The following ZNF638 variants were observed in gnomAD, a reference collection of about 807,000 sequenced individuals.
ZNF638 encodes the protein CTCL tumor antigen se33-1.
In ZNF638, 46 loss-of-function variants were observed where a neutral mutation model predicts 195.6. The ratio of observed to expected loss-of-function variants is 0.24; its 90% CI spans 0.19 to 0.30. The LOEUF (loss-of-function observed/expected upper bound fraction) is 0.30, where lower values mean the gene tolerates loss of function less well. Ranked by LOEUF, ZNF638 falls within the 10% of genes least tolerant of loss-of-function variation. The pLI, the probability that ZNF638 is intolerant of heterozygous loss-of-function variation, is 1.00. For synonymous variants in ZNF638, 845 were observed against 772.0 expected (o/e 1.09, Z -1.57); for missense variants, 2,440 against 2,325.3 (o/e 1.05, Z -1.01).
At chr2:71,343,529 A>G (rs993098912) in intron 1 of ZNF638, among the ~76,000 whole-genome samples, 2 of 152,312 alleles carry the variant, frequency 1.3e-5, no homozygotes. Context: ...GTTTAGCAAA[A>G]TTGAGATGTA....
chr2:71,431,435 T>C lies in ZNF638; in HGVS notation c.5752+7T>C. 1 of 1,611,634 alleles carries C rather than the reference T, an allele frequency of 6.2e-7. No individual in the cohort carries two copies. Among genetic ancestry groups the C allele is most frequent in the South Asian group, 1.1e-5 (1 of 90,912 alleles). On this transcript the variant is annotated splice_region_variant and intron_variant, in intron 26 of 27. Transcript: ENST00000264447. ...GCGTCTGATGTCCCTGAGGGTAAAG[T>C]TAAAATGACATTTTTTTCTTACCCA...
intron 6 of ZNF638, among the ~76,000 whole-genome samples, chr2:71,367,946 ATAT>A (rs984942659): frequency 3.3e-5 from 5 of 152,122 alleles, no homozygotes; most frequent in Admixed American, 2.0e-4. Flanking sequence ...ATTTTTAAAA[ATAT>A]TATACCTGTC....
Position 71,400,128 on chromosome 2 carries a change from G to A in ZNF638, c.2604G>A (p.Lys868=). The stretch of plus-strand genomic sequence containing the variant: ...TTCATGCAGAAAACTCTGAAATAAA[G>A]ACCAGTATTGAAGTCAAAGCCACTG... ...PVTIPENSEI[K]TSIEVKATEN... is the part of the protein sequence containing the mutation. Residue 868 remains lysine, a synonymous_variant, in exon 14 of 28, where the codon AAG becomes AAA. Transcript: ENST00000264447. The A allele has an allele frequency of 6.2e-7, 1 of 1,607,102 alleles. No homozygotes were observed. Among genetic ancestry groups the A allele is most frequent in the Non-Finnish European group, 8.5e-7 (1 of 1,177,428 alleles).
intron 2 of ZNF638, among the ~76,000 whole-genome samples, chr2:71,354,935 G>A (rs2078999494): frequency 6.6e-6 from 1 of 151,926 alleles, no homozygotes; most frequent in East Asian, 1.9e-4. Context: ...AATGGTACTG[G>A]TCTATCAGGT....
chr2:71,417,643 C>G (rs982885220), intron 20 of ZNF638, among the ~76,000 whole-genome samples: 8 of 150,912 alleles, frequency 5.3e-5, no homozygotes, highest in Non-Finnish European at 1.2e-4. Context: ...TGTAGAGTTC[C>G]TCTGATACCA....
intron 25 of ZNF638, among the ~76,000 whole-genome samples, chr2:71,430,401 TTGA>T (rs1237770005): frequency 6.6e-6 from 1 of 152,142 alleles, no homozygotes; most frequent in African/African-American, 2.4e-5. Context: ...ATTGTAGGAC[TTGA>T]TGATCAGTAA....
chr2:71,336,963 A>C (rs1361532711), intron 1 of ZNF638, among the ~76,000 whole-genome samples: 1 of 152,210 alleles, frequency 6.6e-6, no homozygotes, highest in African/African-American at 2.4e-5. Flanking sequence ...TCTTCAGATC[A>C]GTGGAAATTT....
rs2080017789 is a variant in ZNF638, at chr2:71,402,075, A to G, written c.2817A>G (p.Ser939=). Residue 939 remains serine (S), a synonymous_variant, in exon 16 of 28, where the codon TCA becomes TCG. Transcript: ENST00000264447. The part of the protein sequence containing the change: ...FGGLKDILIL[S]SHKKAYIEIN... ...GTTTAAAGGATATCTTGATTTTATCATCTCATAAAAAGGTAAGAGTTGATT... is the reference window on the plus strand; with the variant it reads ...GTTTAAAGGATATCTTGATTTTATCGTCTCATAAAAAGGTAAGAGTTGATT... 3.1e-6 allele frequency: 5 copies of G among 1,605,624 alleles called. No individual in the cohort carries two copies. Among genetic ancestry groups the G allele is most frequent in the Non-Finnish European group, 4.3e-6 (5 of 1,175,982 alleles).
At chr2:71,395,198 A>G (rs1037971743) in intron 10 of ZNF638, 1 of 716,974 alleles carries the variant, frequency 1.4e-6, no homozygotes, top group African/African-American at 1.7e-5. Context: ...TTGGAAAAAA[A>G]TATTACTAAT....
intron 2 of ZNF638, among the ~76,000 whole-genome samples, chr2:71,350,580 A>G (rs1261233532): frequency 6.6e-6 from 1 of 152,218 alleles, no homozygotes; most frequent in Middle Eastern, 3.2e-3. Flanking sequence ...CTTACAAGAC[A>G]ATGTCACATG....
intron 12 of ZNF638, among the ~76,000 whole-genome samples, 182 bp downstream of exon 12, chr2:71,398,954 T>A (rs1438288610): frequency 1.3e-5 from 2 of 152,214 alleles, no homozygotes; most frequent in Non-Finnish European, 1.5e-5. Context: ...TTTGTGCATG[T>A]AAACAATCAC....
rs777898334 is a variant in ZNF638, at chr2:71,424,657, C to T, written c.4532C>T (p.Ala1511Val). Residue 1511 changes from alanine to valine, a missense_variant, in exon 23 of 28, where the codon GCT (alanine) becomes GTT (valine). This residue lies in a region of ZNF638 where 1,883 missense variants were observed against 1,739.1 expected (regional missense o/e 1.08). Transcript: ENST00000264447. Reference protein sequence around the residue: ...KRDDSNNKTLAEQNTKNPKST... With the variant: ...KRDDSNNKTLVEQNTKNPKST... ...TCTTATTTACTATTTCAGACTTTGG[C>T]TGAGCAAAACACTAAGAATCCTAAA... The T allele has an allele frequency of 6.2e-7, 1 of 1,611,208 alleles. No homozygotes were observed. Among genetic ancestry groups the T allele is most frequent in the Non-Finnish European group, 8.5e-7 (1 of 1,178,892 alleles).
rs181760130 is a variant in ZNF638 at position 71,405,754 on chromosome 2, G to T, written c.3000+112G>T. The T allele has an allele frequency of 9.1e-5, 71 of 780,184 alleles. No individual in the cohort carries two copies. In the East Asian group the frequency reaches 1.2e-3, roughly 13 times the overall value. The allele number at this position is 780,184 out of a possible 1,614,324, so 48.3% of individuals were successfully genotyped here. A position where few individuals can be genotyped will look rare whatever the true frequency, so the allele number is the denominator to read the frequency against. On this transcript the variant is annotated intron_variant, in intron 18 of 27. Transcript: ENST00000264447. The stretch of plus-strand genomic sequence containing the variant: ...TTAGAACTAATTTTAAGATATTGAG[G>T]TGATGGAGATGTCAGATGGGTCTTC...
At chr2:71,337,973 T>G (rs1257245032) in intron 1 of ZNF638, among the ~76,000 whole-genome samples, 2 of 152,244 alleles carry the variant, frequency 1.3e-5, no homozygotes, top group African/African-American at 2.4e-5. Context: ...TATCTGATGT[T>G]TCCTCTTGAT....
intron 8 of ZNF638, among the ~76,000 whole-genome samples, chr2:71,370,270 G>A (rs1272092120): frequency 6.6e-6 from 1 of 152,118 alleles, no homozygotes; most frequent in Admixed American, 6.5e-5. Context: ...TGGTACCTAG[G>A]TCACAAAAGA....
chr2:71,372,786 T>C (rs919297859), intron 8 of ZNF638, among the ~76,000 whole-genome samples: 1 of 152,240 alleles, frequency 6.6e-6, no homozygotes, highest in Non-Finnish European at 1.5e-5. Context: ...GGCTACTTTA[T>C]AGAGGTTCTA....
intron 2 of ZNF638, among the ~76,000 whole-genome samples, chr2:71,353,355 A>AT (rs2104204238): frequency 6.6e-6 from 1 of 152,324 alleles, no homozygotes; most frequent in Admixed American, 6.5e-5. Context: ...ACAATAAAAA[A>AT]TTGTTGAGAA....
chr2:71,431,133 A>C, intron 25 of ZNF638, 194 bp from the exon 26 acceptor site: 1 of 525,262 alleles, frequency 1.9e-6, no homozygotes, highest in South Asian at 2.6e-5. Context: ...TATATTCCTA[A>C]ATCCATTTGA....
chr2:71,428,506 T>TA (rs1340840353), intron 24 of ZNF638, 41 bp from the exon 25 acceptor site: 19 of 1,533,266 alleles, frequency 1.2e-5, no homozygotes, highest in African/African-American at 4.2e-5. Flanking sequence ...GCAATTTAAA[T>TA]ACTGTTACTA....
Sources: gnomAD v4.1 joint callset for allele counts (sites outside exome capture counted in the v4.1 genomes callset) on GRCh38, gnomAD v4.1.1 for gene constraint, gnomAD v4.1.1 regional missense constraint, MANE v1.5 for transcripts, NCBI Gene and HGNC (gene_info 2026-07-23, HGNC 2026-07-21) for gene names.